Variants in CYBA observed in about 807,000 individuals in gnomAD.
The protein encoded by CYBA is cytochrome b-245 alpha chain, also known as cytochrome b-245 light chain.
CYBA carries 21 observed loss-of-function variants against 20.8 expected under a neutral mutation model. That is an observed-to-expected ratio of 1.01 (90% CI 0.72 to 1.46). The LOEUF is 1.46. Among genes scored for constraint, CYBA ranks in the 40% most tolerant of loss-of-function variants. CYBA has a pLI of 0.00. For synonymous variants in CYBA, 164 were observed against 127.5 expected, an observed-to-expected ratio of 1.29 and a Z score of -1.93; for missense variants, 344 against 287.0, an observed-to-expected ratio of 1.20 and a Z score of -1.43.
chr16:88,645,527 C>A, intron 5 of CYBA: 1 of 663,012 alleles, frequency 1.5e-6, no homozygotes. Flanking sequence ...GTTCCGGAGC[C>A]CAGGGCAGGC....
At chr16:88,645,770 G>C in intron 5 of CYBA, 1 of 533,886 alleles carries the variant, frequency 1.9e-6, no homozygotes, top group East Asian at 3.2e-5. Flanking sequence ...GGACCCAAGC[G>C]CAGGCACGGT....
At position 88,650,699 on chromosome 16, in the gene CYBA, C is replaced by T. The variant is rs563100843; in HGVS notation, c.58+257G>A. 46 of 616,210 alleles carry T rather than the reference C, an allele frequency of 7.5e-5. No homozygotes were observed. The African/African-American group carries it at 8.3e-4, about 11-fold the overall frequency. The allele number at this position is 616,210 out of a possible 1,614,324, so 38.2% of individuals were successfully genotyped here. A position where few individuals can be genotyped will look rare whatever the true frequency, so the allele number is the denominator to read the frequency against. On this transcript the variant is annotated intron_variant, in intron 1 of 5. Transcript: ENST00000261623. ...TTCCTCCTTCGCGGAGTCGGGGGAC[C>T]GAGAGAAGGGAATGGGGGAGGGGCG...
chr16:88,646,914 C>T, intron 3 of CYBA, 76 bp from the exon 4 acceptor site: 2 of 1,319,494 alleles, frequency 1.5e-6, no homozygotes, highest in Non-Finnish European at 2.2e-6. Flanking sequence ...CTGCTGACCA[C>T]CCCAGGGCAC....
At chr16:88,644,514 C>T (rs1907206076) in intron 5 of CYBA, among the ~76,000 whole-genome samples, 4 of 152,198 alleles carry the variant, frequency 2.6e-5, no homozygotes, top group African/African-American at 9.6e-5. Context: ...TATATGTGGA[C>T]TTCCTGCAAC....
chr16:88,650,459 G>A (rs748134000), intron 1 of CYBA: 5 of 460,174 alleles, frequency 1.1e-5, no homozygotes, highest in South Asian at 7.7e-5. Context: ...ATCTCAGACC[G>A]CCTCCAGCGC....
intron 5 of CYBA, chr16:88,645,441 A>G: frequency 1.4e-6 from 1 of 701,808 alleles, no homozygotes; most frequent in Non-Finnish European, 2.6e-6. Context: ...TATGGACAAA[A>G]GGATTTAAAT....
At chr16:88,644,383 AC>A (rs1295165852) in intron 5 of CYBA, among the ~76,000 whole-genome samples, 1 of 152,236 alleles carries the variant, frequency 6.6e-6, no homozygotes, top group Non-Finnish European at 1.5e-5. Flanking sequence ...GAGCAGGTGA[AC>A]AGGGAAACCT....
intron 1 of CYBA, chr16:88,650,695 G>A: frequency 3.2e-6 from 2 of 615,550 alleles, no homozygotes; most frequent in East Asian, 2.8e-5. Context: ...CGGAGTCGGG[G>A]GACCGAGAGA....
Position 88,648,048 on chromosome 16 carries a change from G to GA in CYBA, c.124dup (p.Ser42PhefsTer171). On this transcript the variant is annotated frameshift_variant, in exon 2 of 6. Transcript: ENST00000261623. LOFTEE classifies it high-confidence loss of function. ...CCAGCCTCAGGTGGAAGGATACATG[G>GA]AGTAGGCACCAAAGTACCACTGGGT... 6.2e-7 allele frequency: 1 copy of GA among 1,612,504 alleles called. No homozygotes were observed.
intron 1 of CYBA, chr16:88,650,331 C>T (rs766844904): frequency 2.2e-6 from 1 of 455,966 alleles, no homozygotes; most frequent in Non-Finnish European, 4.4e-6. Context: ...CTCACCAGAA[C>T]CTCTGAGCAA....
chr16:88,645,868 C>A, intron 5 of CYBA: 1 of 582,540 alleles, frequency 1.7e-6, no homozygotes, highest in East Asian at 2.8e-5. Flanking sequence ...CCCAGTACCC[C>A]TCCCAGGGCT....
In CYBA at chr16:88,646,150, G is replaced by A. The variant is rs1164107269; in HGVS notation, c.335C>T (p.Ala112Val). Residue 112 changes from alanine to valine, a missense_variant, in exon 5 of 6, where the codon GCC (alanine) becomes GTC (valine). Transcript: ENST00000261623. ...GATGCCGCTCGCAATGGCCAGGCAG[G>A]CGGTCCCAAGGATGGTGGCCAGCAG... ...GFLLATILGT[A>V]CLAIASGIYL... 1 of 1,559,876 alleles carries A rather than the reference G, an allele frequency of 6.4e-7. No homozygotes were observed. The highest frequency in any genetic ancestry group is 8.7e-7 in the Non-Finnish European group (1 of 1,153,880).
chr16:88,648,806 C>A (rs888753286), intron 1 of CYBA, among the ~76,000 whole-genome samples: 2 of 151,462 alleles, frequency 1.3e-5, no homozygotes, highest in Non-Finnish European at 2.9e-5. Flanking sequence ...TTATTAGAGA[C>A]AGGGTTTTCA....
chr16:88,643,390 T>G lies in CYBA; in HGVS notation c.551A>C (p.Gln184Pro). The change falls in exon 6 of 6, where the codon CAG becomes CCG. Residue 184 changes from glutamine to proline, a missense_variant. Physicochemically the swap from Gln to Pro is moderately conservative, Grantham distance 76. Transcript: ENST00000261623. This position sits in a 1 kb window ranked among gnomAD's most constrained non-coding sequence, Gnocchi z 4.3. ...GTCGGTCACCGGGATGGGGTTGACC[T>G]GGGGACCTCCCGGGGGTCCCCCCGC... is the stretch of plus-strand genomic sequence containing the variant. ...VAAGGPPGGP[Q>P]VNPIPVTDEV... The G allele has an allele frequency of 1.3e-6, 2 of 1,531,592 alleles. No homozygotes were observed. The highest frequency in any genetic ancestry group is 1.4e-5 in the African/African-American group (1 of 71,054). 94.9% of individuals were successfully genotyped at this position (1,531,592 alleles called of 1,614,324 possible). A position where few individuals can be genotyped will look rare whatever the true frequency, so the allele number is the denominator to read the frequency against.
chr16:88,647,976 A>G, intron 2 of CYBA, 69 bp downstream of exon 2: 1 of 1,453,884 alleles, frequency 6.9e-7, no homozygotes, highest in Non-Finnish European at 9.5e-7. Flanking sequence ...CAAACAGCTC[A>G]CTGTGAAGTG....
chr16:88,643,656 G>C lies in CYBA; in HGVS notation c.370-85C>G, dbSNP rs1195988280. 7.8e-7 allele frequency: 1 copy of C among 1,285,102 alleles called. No individual in the cohort carries two copies. Among genetic ancestry groups the C allele is most frequent in the East Asian group, 2.6e-5 (1 of 38,116 alleles). The allele number at this position is 1,285,102 out of a possible 1,614,324, so 79.6% of individuals were successfully genotyped here. A position where few individuals can be genotyped will look rare whatever the true frequency, so the allele number is the denominator to read the frequency against. ...TCCCCGGAGGCCCACCCCGCTAGGGGCCCTGGGACAGGCTCAAGTCTGAAT... is the reference window on the plus strand; with the variant it reads ...TCCCCGGAGGCCCACCCCGCTAGGGCCCCTGGGACAGGCTCAAGTCTGAAT... On this transcript the variant is annotated intron_variant, in intron 5 of 5. Transcript: ENST00000261623. This position sits in a 1 kb window ranked among gnomAD's most constrained non-coding sequence, Gnocchi z 4.3.
At chr16:88,648,221 T>C (rs895284844) in intron 1 of CYBA, 107 bp from the exon 2 acceptor site, 12 of 1,017,204 alleles carry the variant, frequency 1.2e-5, no homozygotes, top group Admixed American at 6.0e-5. Flanking sequence ...AGCTGCCCCC[T>C]ACCCATCCCC....
At chr16:88,648,154 C>G (rs748127011) in intron 1 of CYBA, 40 bp from the exon 2 acceptor site, 1 of 1,575,984 alleles carries the variant, frequency 6.3e-7, no homozygotes, top group Non-Finnish European at 8.6e-7. Context: ...GGGCTCCCGT[C>G]CCGGGGGCCT....
At chr16:88,650,465 A>T in intron 1 of CYBA, 1 of 460,898 alleles carries the variant, frequency 2.2e-6, no homozygotes, top group Non-Finnish European at 4.3e-6. Flanking sequence ...GACCGCCTCC[A>T]GCGCAGACTC....
Sources: gnomAD v4.1 joint callset for allele counts (sites outside exome capture counted in the v4.1 genomes callset) on GRCh38, gnomAD v4.1.1 for gene constraint, Gnocchi (gnomAD v3.1) non-coding constraint, MANE v1.5 for transcripts, NCBI Gene and HGNC (gene_info 2026-07-23, HGNC 2026-07-21) for gene names.